The following FAM117B variants were observed in gnomAD, a reference collection of about 807,000 sequenced individuals.
FAM117B encodes family with sequence similarity 117 member B.
FAM117B carries 22 observed loss-of-function variants against 52.8 expected under a neutral mutation model. That is an observed-to-expected ratio of 0.42 (90% CI 0.30 to 0.59). FAM117B has a LOEUF of 0.59. Ranked by LOEUF, FAM117B falls within the 20% of genes least tolerant of loss-of-function variation. The probability of loss-of-function intolerance (pLI) is 0.22; values close to 1 mark genes in which losing one functional copy is unlikely to be tolerated. For synonymous variants in FAM117B, 309 were observed against 324.1 expected, an observed-to-expected ratio of 0.95 and a Z score of 0.50; for missense variants, 678 against 802.6, an observed-to-expected ratio of 0.84 and a Z score of 1.88.
intron 2 of FAM117B, among the ~76,000 whole-genome samples, chr2:202,708,372 A>G (rs1307958774): frequency 6.6e-6 from 1 of 152,132 alleles, no homozygotes; most frequent in African/African-American, 2.4e-5. Flanking sequence ...CTCACAGTTC[A>G]TCCATATTAT....
intron 1 of FAM117B, among the ~76,000 whole-genome samples, chr2:202,655,003 C>G (rs531843521): frequency 2.0e-4 from 31 of 151,924 alleles, no homozygotes; most frequent in Non-Finnish European, 4.4e-4. Flanking sequence ...GAAATGTCCC[C>G]AGGATTAAGA....
At chr2:202,726,175 T>C (rs1241053658) in intron 3 of FAM117B, 75 bp from the exon 4 acceptor site, 33 of 951,548 alleles carry the variant, frequency 3.5e-5, no homozygotes, top group Non-Finnish European at 4.9e-5. Context: ...GTTTTACTGG[T>C]TCTTATTAAG....
intron 2 of FAM117B, among the ~76,000 whole-genome samples, chr2:202,717,943 A>C (rs1013029369): frequency 6.0e-5 from 9 of 150,288 alleles, no homozygotes; most frequent in African/African-American, 2.2e-4. Context: ...GGAGCCAGGG[A>C]CTAGAGTCAA....
intron 4 of FAM117B, among the ~76,000 whole-genome samples, chr2:202,749,373 T>C (rs1691686027): frequency 6.6e-6 from 1 of 151,956 alleles, no homozygotes; most frequent in African/African-American, 2.4e-5. Flanking sequence ...AAAAAAATTA[T>C]GCAACTATAA....
chr2:202,678,000 A>G (rs1690403682), intron 1 of FAM117B, among the ~76,000 whole-genome samples: 1 of 152,198 alleles, frequency 6.6e-6, no homozygotes, highest in Admixed American at 6.5e-5. Flanking sequence ...ACAAAGCAAA[A>G]GAGTTGTTTG....
chr2:202,672,468 C>G (rs903539138), intron 1 of FAM117B, among the ~76,000 whole-genome samples: 1 of 152,204 alleles, frequency 6.6e-6, no homozygotes, highest in African/African-American at 2.4e-5. Context: ...CCCGCCTTAG[C>G]CTCCCAAAGT....
In FAM117B at chr2:202,765,680, C is replaced by G. The variant is rs1691966405; in HGVS notation, c.1686C>G (p.Asp562Glu). The G allele has an allele frequency of 6.2e-7, 1 of 1,614,028 alleles. No homozygotes were observed. The highest frequency in any genetic ancestry group is 1.1e-5 in the South Asian group (1 of 91,088). ...VASLSTNTEQ[D>E]RVSRGTSTVM... ...CCCTGTCTACAAACACAGAGCAAGA[C>G]CGAGTCTCTCGAGGAACAAGTACAG... is the stretch of plus-strand genomic sequence containing the variant. The change falls in exon 8 of 8, where the codon GAC becomes GAG. Residue 562 changes from aspartate (D) to glutamate (E), a missense_variant. This residue lies in a region of FAM117B where 68 missense variants were observed against 80.6 expected (regional missense o/e 0.84). Coordinates refer to ENST00000392238, the MANE Select transcript of FAM117B (RefSeq NM_173511.4).
intron 1 of FAM117B, among the ~76,000 whole-genome samples, chr2:202,663,725 A>G (rs1690163731): frequency 1.3e-5 from 2 of 151,976 alleles, no homozygotes; most frequent in South Asian, 4.1e-4. Context: ...CTGGGATTAC[A>G]GGCACCCCCT....
intron 1 of FAM117B, among the ~76,000 whole-genome samples, chr2:202,674,949 T>C (rs973863303): frequency 6.6e-6 from 1 of 152,068 alleles, no homozygotes; most frequent in Non-Finnish European, 1.5e-5. Context: ...TTTTTACAAG[T>C]TGGGGCCGGA....
intron 1 of FAM117B, among the ~76,000 whole-genome samples, chr2:202,660,319 G>A (rs1410224917): frequency 6.6e-6 from 1 of 151,838 alleles, no homozygotes; most frequent in Non-Finnish European, 1.5e-5. Context: ...TTTTCTTTTA[G>A]CAGGCAATCA....
At chr2:202,715,301 G>A (rs1349631865) in intron 2 of FAM117B, among the ~76,000 whole-genome samples, 1 of 151,172 alleles carries the variant, frequency 6.6e-6, no homozygotes, top group Non-Finnish European at 1.5e-5. Context: ...CCTGGCGGGG[G>A]CTGACCCCCA....
intron 1 of FAM117B, among the ~76,000 whole-genome samples, chr2:202,642,671 T>C (rs1689789371): frequency 6.6e-6 from 1 of 152,164 alleles, no homozygotes; most frequent in Admixed American, 6.6e-5. Context: ...ATTTTAAAAC[T>C]CAGGGATACA....
intron 1 of FAM117B, among the ~76,000 whole-genome samples, chr2:202,662,730 G>A (rs1690149271): frequency 1.3e-5 from 2 of 152,086 alleles, no homozygotes; most frequent in African/African-American, 2.4e-5. Flanking sequence ...TGTAGTCCCA[G>A]CTACTTGGGA....
At chr2:202,765,244 A>G (rs912530069) in intron 7 of FAM117B, among the ~76,000 whole-genome samples, 1 of 152,068 alleles carries the variant, frequency 6.6e-6, no homozygotes, top group African/African-American at 2.4e-5. Flanking sequence ...ATTCTAAGAT[A>G]CATATGTTGA....
At chr2:202,719,442 A>G (rs1244409247) in intron 2 of FAM117B, among the ~76,000 whole-genome samples, 1 of 152,204 alleles carries the variant, frequency 6.6e-6, no homozygotes, top group Non-Finnish European at 1.5e-5. Flanking sequence ...AAGGATATTA[A>G]GTACCAGTAA....
intron 7 of FAM117B, among the ~76,000 whole-genome samples, chr2:202,763,428 C>T (rs1256425053): frequency 1.3e-5 from 2 of 152,086 alleles, no homozygotes; most frequent in Admixed American, 6.5e-5. Flanking sequence ...ATCTAGCCCT[C>T]ATTTGGATGG....
chr2:202,707,328 G>A (rs551750714), intron 2 of FAM117B, among the ~76,000 whole-genome samples: 1 of 152,082 alleles, frequency 6.6e-6, no homozygotes, highest in African/African-American at 2.4e-5. Flanking sequence ...GGGATTACAG[G>A]TGTGGTCCAC....
chr2:202,648,542 C>CATATAT lies in FAM117B; in HGVS notation c.601+12761_601+12766dup, dbSNP rs141162650. On this transcript the variant is annotated intron_variant, in intron 1 of 7. Coordinates refer to ENST00000392238, the MANE Select transcript of FAM117B (RefSeq NM_173511.4). ...CACCCCCCCCCCAAAACAAAAAATA[C>CATATAT]ATATATATATATGTATGTATGTGTG... Among the ~76,000 whole-genome samples the CATATAT allele has an allele frequency of 1.3e-3, 153 of 120,092 alleles. 1 individual carries two copies. Among genetic ancestry groups the CATATAT allele is most frequent in the African/African-American group, 4.4e-3 (148 of 33,502 alleles). 78.8% of individuals were successfully genotyped at this position (120,092 alleles called of 152,430 possible).
At chr2:202,676,375 G>GTTTTTTT (rs71030983) in intron 1 of FAM117B, among the ~76,000 whole-genome samples, 1 of 130,934 alleles carries the variant, frequency 7.6e-6, no homozygotes, top group Non-Finnish European at 1.7e-5. Flanking sequence ...AATATTCCTT[G>GTTTTTTT]TTTTTTTTTT....
Sources: allele counts gnomAD v4.1 joint callset (sites outside exome capture counted in the v4.1 genomes callset), GRCh38; gene constraint gnomAD v4.1.1; regional missense constraint gnomAD v4.1.1; transcripts MANE v1.5; gene names NCBI Gene and HGNC (gene_info 2026-07-23, HGNC 2026-07-21).